SLCO6A1: variants seen among roughly 807,000 people sequenced by gnomAD.
SLCO6A1 encodes cancer/testis antigen 48.
SLCO6A1 carries 65 observed loss-of-function variants against 72.7 expected under a neutral mutation model. The ratio of observed to expected loss-of-function variants is 0.89; its 90% CI spans 0.73 to 1.10. SLCO6A1 has a LOEUF of 1.10. Among genes scored for constraint, SLCO6A1 ranks in the 50% least tolerant of loss-of-function variants. The pLI is 0.00. For synonymous variants in SLCO6A1, 314 were observed against 298.2 expected (o/e 1.05, Z -0.55); for missense variants, 874 against 872.6 (o/e 1.00, Z -0.02).
chr5:102,401,809 T>C (rs1421550445), intron 9 of SLCO6A1, among the ~76,000 whole-genome samples: 1 of 152,132 alleles, frequency 6.6e-6, no homozygotes, highest in Non-Finnish European at 1.5e-5. Flanking sequence ...CTATTAGGAC[T>C]CCTTATCATC....
chr5:102,399,625 T>C lies in SLCO6A1; in HGVS notation c.1744A>G (p.Ile582Val), dbSNP rs141437725. 5.4e-4 allele frequency: 875 copies of C among 1,606,000 alleles called. 2 individuals are homozygous for C. Among genetic ancestry groups the C allele is most frequent in the Non-Finnish European group, 7.0e-4 (823 of 1,174,894 alleles). Residue 582 changes from isoleucine (I) to valine (V), a missense_variant, in exon 10 of 14, where the codon ATT becomes GTT. Physicochemically the swap from Ile to Val is conservative, Grantham distance 29. Transcript: ENST00000506729. Reference sequence around the variant, plus strand: ...ATAAGTGTAGAAAAGATAAAAGCAATGAACAAAGGTAACTTATAGCACTTT... The same window carrying C: ...ATAAGTGTAGAAAAGATAAAAGCAACGAACAAAGGTAACTTATAGCACTTT... ...DAKCYKLPLF[I>V]AFIFSTLIFS...
At chr5:102,433,488 G>T (rs1374936532) in intron 7 of SLCO6A1, among the ~76,000 whole-genome samples, 2 of 152,084 alleles carry the variant, frequency 1.3e-5, no homozygotes, top group Non-Finnish European at 1.5e-5. Context: ...TATAAGGTGG[G>T]TTCATTCAAC....
rs1580336278 is a variant in SLCO6A1 at position 102,388,791 on chromosome 5, T to C, written c.1914A>G (p.Ser638=). 6.2e-7 allele frequency: 1 copy of C among 1,607,406 alleles called. No homozygotes were observed. Among genetic ancestry groups the C allele is most frequent in the Non-Finnish European group, 8.5e-7 (1 of 1,178,056 alleles). The part of the protein sequence containing the change: ...TIPGPSIFKM[S]GETSCILRDV... The stretch of plus-strand genomic sequence containing the variant: ...CCCGTAAAATACAAGAAGTTTCTCC[T>C]GACATTTTAAAGATTGATGGTCCAG... The change falls in exon 12 of 14, where the codon TCA becomes TCG. Residue 638 remains serine (S), a synonymous_variant. Coordinates refer to ENST00000506729, the MANE Select transcript of SLCO6A1 (RefSeq NM_173488.5).
intron 9 of SLCO6A1, among the ~76,000 whole-genome samples, chr5:102,410,987 GA>G (rs1298098223): frequency 1.3e-5 from 2 of 152,102 alleles, no homozygotes; most frequent in Non-Finnish European, 2.9e-5. Context: ...TCAGTAGAAG[GA>G]AAAACTGAGT....
chr5:102,380,893 T>C (rs1746066441), intron 12 of SLCO6A1, among the ~76,000 whole-genome samples: 1 of 151,930 alleles, frequency 6.6e-6, no homozygotes, highest in Non-Finnish European at 1.5e-5. Flanking sequence ...GTACTTTATT[T>C]AGAGTAAGCA....
intron 3 of SLCO6A1, among the ~76,000 whole-genome samples, chr5:102,476,759 T>G (rs1277228934): frequency 1.3e-5 from 2 of 152,054 alleles, no homozygotes; most frequent in Non-Finnish European, 2.9e-5. Context: ...TTTGGGGTGC[T>G]CTAGCAAGAT....
chr5:102,483,485 G>C (rs183772721), intron 1 of SLCO6A1, among the ~76,000 whole-genome samples: 4 of 152,208 alleles, frequency 2.6e-5, no homozygotes, highest in Admixed American at 1.3e-4. Flanking sequence ...TTTTGGAAGA[G>C]AGAGTGTTCC....
intron 9 of SLCO6A1, among the ~76,000 whole-genome samples, chr5:102,404,478 C>CCA (rs1747565577): frequency 6.6e-6 from 1 of 151,956 alleles, no homozygotes; most frequent in East Asian, 1.9e-4. Flanking sequence ...TGTACTCCAG[C>CCA]CTGGGTGATG....
chr5:102,452,364 T>TTATTCTTTTTTTAAATATTTC (rs1750462200), intron 6 of SLCO6A1, among the ~76,000 whole-genome samples: 1 of 152,144 alleles, frequency 6.6e-6, no homozygotes, highest in Non-Finnish European at 1.5e-5. Flanking sequence ...CTTTATGTTT[T>TTATTCTTTTTTTAAATATTTC]TATTCTTTTT....
chr5:102,434,022 C>T (rs6878284), intron 7 of SLCO6A1, among the ~76,000 whole-genome samples: 96,289 of 151,320 alleles, frequency 0.64, 30,780 homozygotes, highest in African/African-American at 0.66. Flanking sequence ...TTAAGGAGTG[C>T]CTCTTGTTAG....
intron 7 of SLCO6A1, among the ~76,000 whole-genome samples, chr5:102,437,884 T>C (rs1749630785): frequency 1.3e-5 from 2 of 152,168 alleles, no homozygotes; most frequent in Admixed American, 6.6e-5. Context: ...AAATAAATCA[T>C]TGCATTTACA....
chr5:102,477,066 C>T (rs1751937451), intron 3 of SLCO6A1, among the ~76,000 whole-genome samples: 1 of 151,982 alleles, frequency 6.6e-6, no homozygotes, highest in African/African-American at 2.4e-5. Context: ...TATGAATATA[C>T]ATATTTATAA....
chr5:102,419,726 T>C (rs1542296), intron 8 of SLCO6A1, 100 bp downstream of exon 8: 599,926 of 921,336 alleles, frequency 0.65, 197,262 homozygotes, highest in Non-Finnish European at 0.66. Context: ...CCAATAATTA[T>C]ATGAACATAT....
intron 7 of SLCO6A1, among the ~76,000 whole-genome samples, chr5:102,428,230 GA>G (rs2112643952): frequency 6.6e-6 from 1 of 151,432 alleles, no homozygotes; most frequent in East Asian, 1.9e-4. Context: ...AATAGTTCTT[GA>G]AAAAAAGATA....
At chr5:102,475,594 T>C in intron 4 of SLCO6A1, 103 bp downstream of exon 4, 1 of 657,542 alleles carries the variant, frequency 1.5e-6, no homozygotes, top group African/African-American at 1.8e-5. Flanking sequence ...TCTAAAACTA[T>C]GGTTATTACA....
rs557473768 is a variant in SLCO6A1 at position 102,469,681 on chromosome 5, A to T, written c.899+6016T>A. 5.3e-5 allele frequency among the ~76,000 whole-genome samples: 8 copies of T among 152,160 alleles called. No individual in the cohort carries two copies. The East Asian group carries it at 1.3e-3, about 26-fold the overall frequency. The stretch of plus-strand genomic sequence containing the variant: ...CTCTTGCCTGATTGCCCTGGCCAGA[A>T]CTTCCAATACTATGTTGAATAGGAG... On this transcript the variant is annotated intron_variant, in intron 4 of 13. Transcript: ENST00000506729.
chr5:102,475,102 T>C (rs778439932), intron 4 of SLCO6A1, among the ~76,000 whole-genome samples: 8 of 152,006 alleles, frequency 5.3e-5, no homozygotes, highest in Admixed American at 1.3e-4. Context: ...TACAAAAGAA[T>C]TGACAACAGG....
chr5:102,459,822 G>C (rs750986060), intron 4 of SLCO6A1, 45 bp from the exon 5 acceptor site: 7 of 1,502,508 alleles, frequency 4.7e-6, no homozygotes, highest in East Asian at 2.4e-5. Context: ...TTAGGTATTT[G>C]ATTACAACAA....
intron 4 of SLCO6A1, among the ~76,000 whole-genome samples, chr5:102,471,563 T>C (rs1169550834): frequency 1.3e-5 from 2 of 152,106 alleles, no homozygotes; most frequent in African/African-American, 4.8e-5. Context: ...AAATTACTTT[T>C]GTCATTTGAA....
Sources: allele counts gnomAD v4.1 joint callset (sites outside exome capture counted in the v4.1 genomes callset), GRCh38; gene constraint gnomAD v4.1.1; transcripts MANE v1.5; gene names NCBI Gene and HGNC (gene_info 2026-07-23, HGNC 2026-07-21).